Variants in GRHL2 observed in about 807,000 individuals in gnomAD.
The protein encoded by GRHL2 is grainyhead-like protein 2 homolog.
A neutral mutation model predicts 83.8 loss-of-function variants in GRHL2; 21 were observed. The observed-to-expected ratio is 0.25, with a 90% CI of 0.18 to 0.36. GRHL2 has a LOEUF of 0.36. GRHL2 is among the 10% of genes least tolerant of loss of function. The probability of loss-of-function intolerance (pLI) is 1.00; values close to 1 mark genes in which losing one functional copy is unlikely to be tolerated. For synonymous variants in GRHL2, 280 were observed against 278.9 expected, an observed-to-expected ratio of 1.00 and a Z score of -0.04; for missense variants, 623 against 781.8, an observed-to-expected ratio of 0.80 and a Z score of 2.42.
intron 8 of GRHL2, among the ~76,000 whole-genome samples, chr8:101,609,911 A>C (rs1573279): frequency 0.5 from 75,143 of 150,556 alleles, 21,081 homozygotes; most frequent in African/African-American, 0.71. Flanking sequence ...ACAAGTTTTA[A>C]GTATTAAACA....
Position 101,644,231 on chromosome 8 carries a change from T to G in GRHL2, c.1612+6T>G. On this transcript the variant is annotated splice_donor_region_variant and intron_variant, in intron 13 of 15. Coordinates refer to ENST00000646743, the MANE Select transcript of GRHL2 (RefSeq NM_024915.4). ...AGAAGAAGGGACAAAGCGAGGTATC[T>G]CTCCTGCTGGGGCATGCCCTCTCAG... 1 of 1,609,808 alleles carries G rather than the reference T, an allele frequency of 6.2e-7. No homozygotes were observed. Among genetic ancestry groups the G allele is most frequent in the Non-Finnish European group, 8.5e-7 (1 of 1,176,732 alleles).
intron 1 of GRHL2, among the ~76,000 whole-genome samples, chr8:101,532,811 TTG>T (rs566590699): frequency 2.0e-5 from 3 of 149,306 alleles, no homozygotes; most frequent in East Asian, 3.9e-4. Context: ...AAGGCTATGC[TTG>T]TGTGTGTGTG....
At chr8:101,561,155 A>ATT (rs35460086) in intron 4 of GRHL2, among the ~76,000 whole-genome samples, 125 of 145,556 alleles carry the variant, frequency 8.6e-4, no homozygotes, top group African/African-American at 2.7e-3. Context: ...TTTCGAAGTA[A>ATT]TTTTTTTTTT....
intron 1 of GRHL2, among the ~76,000 whole-genome samples, chr8:101,528,544 T>C (rs370103874): frequency 6.6e-6 from 1 of 152,062 alleles, no homozygotes; most frequent in Admixed American, 6.6e-5. Flanking sequence ...CTGGGGAACA[T>C]GTGCCCTCAT....
At chr8:101,564,830 A>AAAAG (rs5893572) in intron 4 of GRHL2, among the ~76,000 whole-genome samples, 107 of 150,008 alleles carry the variant, frequency 7.1e-4, no homozygotes, top group African/African-American at 2.4e-3. Context: ...AAAAAAAAAA[A>AAAAG]CCACTTTAAT....
chr8:101,550,177 T>G (rs1344218934), intron 2 of GRHL2, among the ~76,000 whole-genome samples: 1 of 51,476 alleles, frequency 1.9e-5, no homozygotes, highest in Non-Finnish European at 4.3e-5. Flanking sequence ...CATATGCAGG[T>G]CTTTTTTTTT....
intron 1 of GRHL2, among the ~76,000 whole-genome samples, chr8:101,520,803 C>T (rs998692168): frequency 6.6e-6 from 1 of 152,156 alleles, no homozygotes; most frequent in Non-Finnish European, 1.5e-5. Context: ...AGCTATACTG[C>T]CCTTCATTTA....
chr8:101,622,761 T>C (rs1406257768), intron 9 of GRHL2, among the ~76,000 whole-genome samples: 2 of 152,168 alleles, frequency 1.3e-5, no homozygotes, highest in East Asian at 3.8e-4. Context: ...TAGTGGTGAT[T>C]TGTGAGATTT....
In GRHL2 at chr8:101,604,053, AGTGTGTTT is replaced by A. The variant is rs1166793949; in HGVS notation, c.1098+4909_1098+4916del. On this transcript the variant is annotated intron_variant, in intron 8 of 15. Transcript: ENST00000646743. ...AAAAAAAAGCCATAAAACAATGGGA[AGTGTGTTT>A]GTGTGTATGTGTGTGCATATGTGTA... Among the ~76,000 whole-genome samples, 59 of 148,102 alleles carry A rather than the reference AGTGTGTTT, an allele frequency of 4.0e-4. 1 individual carries two copies. Among genetic ancestry groups the A allele is most frequent in the Middle Eastern group, 3.6e-3 (1 of 280 alleles).
At chr8:101,579,032 C>T (rs892154288) in intron 7 of GRHL2, among the ~76,000 whole-genome samples, 1 of 152,150 alleles carries the variant, frequency 6.6e-6, no homozygotes, top group African/African-American at 2.4e-5. Context: ...TCACATGACT[C>T]CCCCTCAGAT....
Position 101,666,579 on chromosome 8 carries a change from T to A in GRHL2, c.1764-10T>A. Reference sequence around the variant, plus strand: ...CTTTGTTTTTCACACCCCTCCCCCCTCCATGGCAGCATCTTGGTGAACATG... The same window carrying A: ...CTTTGTTTTTCACACCCCTCCCCCCACCATGGCAGCATCTTGGTGAACATG... On this transcript the variant is annotated splice_polypyrimidine_tract_variant and intron_variant, in intron 15 of 15. Coordinates refer to ENST00000646743, the MANE Select transcript of GRHL2 (RefSeq NM_024915.4). The A allele has an allele frequency of 6.4e-7, 1 of 1,551,958 alleles. No homozygotes were observed. The highest frequency in any genetic ancestry group is 8.9e-7 in the Non-Finnish European group (1 of 1,123,530).
At chr8:101,572,836 T>C (rs559391019) in intron 5 of GRHL2, among the ~76,000 whole-genome samples, 2 of 152,354 alleles carry the variant, frequency 1.3e-5, no homozygotes, top group Admixed American at 6.5e-5. Context: ...AGGGACACTA[T>C]TTAGAGCAGG....
At chr8:101,536,546 A>G (rs1476992746) in intron 1 of GRHL2, among the ~76,000 whole-genome samples, 2 of 152,252 alleles carry the variant, frequency 1.3e-5, no homozygotes, top group Non-Finnish European at 2.9e-5. Flanking sequence ...AAACTGATAC[A>G]CAGAAAGGTT....
At chr8:101,650,351 C>T (rs1161541961) in intron 14 of GRHL2, among the ~76,000 whole-genome samples, 1 of 152,188 alleles carries the variant, frequency 6.6e-6, no homozygotes, top group Non-Finnish European at 1.5e-5. Flanking sequence ...CGGGACTTCA[C>T]TCTTTTTATG....
At chr8:101,677,069 G>T in the GRHL2 span, among the ~76,000 whole-genome samples, 1 of 151,954 alleles carries the variant, frequency 6.6e-6, no homozygotes, top group African/African-American at 2.4e-5. Context: ...TGTGGGGTGG[G>T]GTGAGGGGGG....
At chr8:101,601,289 T>A (rs1703914806) in intron 8 of GRHL2, among the ~76,000 whole-genome samples, 1 of 152,186 alleles carries the variant, frequency 6.6e-6, no homozygotes, top group South Asian at 2.1e-4. Flanking sequence ...ATTTTAATTA[T>A]CATGCAATCT....
the GRHL2 span, among the ~76,000 whole-genome samples, chr8:101,678,510 C>T: frequency 1.0e-3 from 157 of 152,256 alleles, 1 homozygote; most frequent in African/African-American, 3.5e-3. Flanking sequence ...TGGGGAGGGG[C>T]GCCCGCCATT....
chr8:101,652,787 G>GT (rs1280246461), intron 14 of GRHL2, among the ~76,000 whole-genome samples: 2 of 152,086 alleles, frequency 1.3e-5, no homozygotes, highest in South Asian at 2.1e-4. Context: ...TCGTGGGATT[G>GT]TTGTGAGACA....
intron 1 of GRHL2, among the ~76,000 whole-genome samples, chr8:101,523,491 A>C (rs946545154): frequency 1.4e-5 from 2 of 146,210 alleles, no homozygotes; most frequent in African/African-American, 5.1e-5. Context: ...TTTTTTTTTT[A>C]AGGGGGGTGG....
Sources: allele counts gnomAD v4.1 joint callset (sites outside exome capture counted in the v4.1 genomes callset), GRCh38; gene constraint gnomAD v4.1.1; transcripts MANE v1.5; gene names NCBI Gene and HGNC (gene_info 2026-07-23, HGNC 2026-07-21).